SHISA9: variants seen among roughly 807,000 people sequenced by gnomAD.
SHISA9 encodes the protein protein shisa-9.
Under a neutral mutation model 38.0 loss-of-function variants are expected in SHISA9, and 13 were observed. The ratio of observed to expected loss-of-function variants is 0.34; its 90% confidence interval spans 0.22 to 0.54. SHISA9 has a LOEUF of 0.54. Among genes scored for constraint, SHISA9 ranks in the 20% least tolerant of loss-of-function variants. The pLI, the probability that SHISA9 is intolerant of heterozygous loss-of-function variation, is 0.91. For synonymous variants in SHISA9, 275 were observed against 242.0 expected (o/e 1.14, Z -1.27); for missense variants, 538 against 575.8 (o/e 0.93, Z 0.67).
At chr16:13,481,301 T>C in the SHISA9 span, among the ~76,000 whole-genome samples, 2 of 131,520 alleles carry the variant, frequency 1.5e-5, no homozygotes, top group African/African-American at 5.0e-5. Context: ...ATCATATTTA[T>C]CATTTCTATA....
chr16:12,945,384 G>A (rs757312030), intron 2 of SHISA9, among the ~76,000 whole-genome samples: 8 of 152,116 alleles, frequency 5.3e-5, no homozygotes, highest in Admixed American at 1.3e-4. Flanking sequence ...TGGATATTTC[G>A]TTTGGATTCC....
chr16:13,403,929 G>T, the SHISA9 span, among the ~76,000 whole-genome samples: 258 of 152,172 alleles, frequency 1.7e-3, no homozygotes, highest in African/African-American at 5.8e-3. Context: ...TGTTTGGGTG[G>T]GTCCTCTGAT....
At chr16:13,175,121 C>T (rs1035555193) in intron 2 of SHISA9, among the ~76,000 whole-genome samples, 6 of 151,782 alleles carry the variant, frequency 4.0e-5, no homozygotes, top group Non-Finnish European at 8.8e-5. Flanking sequence ...AGTCTCAGCA[C>T]TTTGGAAGAC....
At chr16:13,451,168 T>C in the SHISA9 span, among the ~76,000 whole-genome samples, 1 of 152,162 alleles carries the variant, frequency 6.6e-6, no homozygotes, top group Non-Finnish European at 1.5e-5. Context: ...TGGTGGTACG[T>C]CTGAGGTGCG....
In SHISA9 at chr16:12,908,696, A is replaced by T. The variant is rs908693019; in HGVS notation, c.563+6069A>T. 2.0e-6 allele frequency: 3 copies of T among 1,502,098 alleles called. No homozygotes were observed. The African/African-American group carries it at 4.2e-5, about 21-fold the overall frequency. 93.0% of individuals were successfully genotyped at this position (1,502,098 alleles called of 1,614,324 possible). On this transcript the variant is annotated intron_variant, in intron 1 of 4. Coordinates refer to ENST00000558583, the MANE Select transcript of SHISA9 (RefSeq NM_001145204.3). ...ATGCCCTGCAAACAACAGCTCATGC[A>T]TCGGGGCCAGTTCAAGAAGCTACCG...
At chr16:13,391,341 T>C in the SHISA9 span, among the ~76,000 whole-genome samples, 1 of 152,184 alleles carries the variant, frequency 6.6e-6, no homozygotes, top group Non-Finnish European at 1.5e-5. Context: ...CTTGCCTTTG[T>C]AAGCAAAACT....
chr16:13,222,792 G>GTATATATATA (rs745719678), intron 4 of SHISA9, among the ~76,000 whole-genome samples: 155 of 63,570 alleles, frequency 2.4e-3, no homozygotes, highest in African/African-American at 0.014. Flanking sequence ...GTGTGTGTAT[G>GTATATATATA]TATATATATA....
intron 2 of SHISA9, among the ~76,000 whole-genome samples, chr16:13,012,007 G>A (rs374977499): frequency 1.5e-4 from 22 of 151,618 alleles, no homozygotes; most frequent in African/African-American, 4.6e-4. Context: ...TGTATTTTTC[G>A]TAGAGGCAGG....
At chr16:13,367,126 A>C in the SHISA9 span, among the ~76,000 whole-genome samples, 14 of 151,864 alleles carry the variant, frequency 9.2e-5, no homozygotes, top group African/African-American at 3.1e-4. Context: ...AATTAGCAAA[A>C]CTTAAACTCA....
chr16:13,204,034 C>G (rs73507136), intron 3 of SHISA9, among the ~76,000 whole-genome samples: 2,376 of 152,234 alleles, frequency 0.016, 55 homozygotes, highest in African/African-American at 0.055. Flanking sequence ...TATTATCTAT[C>G]TATCATCCAT....
rs1484381179 is a variant in SHISA9 at position 12,926,883 on chromosome 16, A to G, written c.691+10068A>G. Among the ~76,000 whole-genome samples, 3 of 152,322 alleles carry G rather than the reference A, an allele frequency of 2.0e-5. No homozygotes were observed. In the East Asian group the frequency reaches 5.8e-4, roughly 29 times the overall value. ...GTCTTACACTATAGATCTTTCTTGC[A>G]GGTCTGATTAATTTTGTACAAATTG... is the stretch of plus-strand genomic sequence containing the variant. On this transcript the variant is annotated intron_variant, in intron 2 of 4. Transcript: ENST00000558583.
the SHISA9 span, among the ~76,000 whole-genome samples, chr16:13,532,764 T>C: frequency 1.3e-5 from 2 of 152,138 alleles, no homozygotes; most frequent in African/African-American, 4.8e-5. Context: ...CATCCACAGA[T>C]CCTGCTTTCA....
the SHISA9 span, among the ~76,000 whole-genome samples, chr16:13,376,023 G>T: frequency 2.0e-5 from 3 of 152,126 alleles, no homozygotes; most frequent in Non-Finnish European, 4.4e-5. Flanking sequence ...GATTTCAAAA[G>T]TTACAGCAAT....
At chr16:13,051,359 C>T (rs35794703) in intron 2 of SHISA9, among the ~76,000 whole-genome samples, 3,162 of 152,234 alleles carry the variant, frequency 0.021, 54 homozygotes, top group Non-Finnish European at 0.033. Flanking sequence ...GAAACCACCC[C>T]GATGATGCAA....
At chr16:13,251,308 G>A in the SHISA9 span, among the ~76,000 whole-genome samples, 19 of 152,080 alleles carry the variant, frequency 1.2e-4, no homozygotes, top group African/African-American at 3.1e-4. Flanking sequence ...CTTGATCCCC[G>A]CTTCACCTGC....
At chr16:13,534,831 CCTCTT>C in the SHISA9 span, among the ~76,000 whole-genome samples, 6 of 152,160 alleles carry the variant, frequency 3.9e-5, no homozygotes, top group Admixed American at 2.0e-4. Context: ...TTTCTCCTCT[CCTCTT>C]ATCTTTGCCT....
chr16:13,378,247 G>C, the SHISA9 span, among the ~76,000 whole-genome samples: 2 of 152,200 alleles, frequency 1.3e-5, no homozygotes, highest in Non-Finnish European at 2.9e-5. Flanking sequence ...CCTCAGGTAT[G>C]ACTTGTTCCA....
At chr16:13,460,741 T>C in the SHISA9 span, among the ~76,000 whole-genome samples, 29 of 152,344 alleles carry the variant, frequency 1.9e-4, no homozygotes, top group Admixed American at 8.5e-4. Flanking sequence ...ATTCATATTA[T>C]GGGCAGAATC....
At chr16:13,301,872 A>G in the SHISA9 span, among the ~76,000 whole-genome samples, 1 of 152,180 alleles carries the variant, frequency 6.6e-6, no homozygotes, top group Non-Finnish European at 1.5e-5. Flanking sequence ...ATGTCAAACG[A>G]GGCTAATGTT....
Sources: gnomAD v4.1 joint callset for allele counts (sites outside exome capture counted in the v4.1 genomes callset) on GRCh38, gnomAD v4.1.1 for gene constraint, MANE v1.5 for transcripts, NCBI Gene and HGNC (gene_info 2026-07-23, HGNC 2026-07-21) for gene names.